METTL15: variants seen among roughly 807,000 people sequenced by gnomAD.
METTL15 encodes the protein 12S rRNA N(4)-cytidine methyltransferase METTL15.
Under a neutral mutation model 38.3 loss-of-function variants are expected in METTL15, and 34 were observed. The observed-to-expected ratio is 0.89, with a 90% CI of 0.68 to 1.18. The LOEUF (loss-of-function observed/expected upper bound fraction) is 1.18, where lower values mean the gene tolerates loss of function less well. Ranked by LOEUF, METTL15 falls within the 50% of genes most tolerant of loss-of-function variation. The probability of loss-of-function intolerance (pLI) is 0.00; values close to 1 mark genes in which losing one functional copy is unlikely to be tolerated. For synonymous variants in METTL15, 162 were observed against 170.9 expected (o/e 0.95, Z 0.41); for missense variants, 438 against 498.4 (o/e 0.88, Z 1.15).
chr11:28,471,408 C>CT (rs1190591104), intron 6 of METTL15, among the ~76,000 whole-genome samples: 1 of 152,088 alleles, frequency 6.6e-6, no homozygotes, highest in African/African-American at 2.4e-5. Context: ...TACAAATTTT[C>CT]TTTTTTCCAT....
intron 3 of METTL15, among the ~76,000 whole-genome samples, chr11:28,349,830 T>G (rs1850026667): frequency 6.6e-6 from 1 of 152,208 alleles, no homozygotes; most frequent in African/African-American, 2.4e-5. Context: ...TTTGCTTCCT[T>G]TGTAAATATT....
intron 6 of METTL15, chr11:28,516,948 C>T (rs550488884): frequency 3.3e-5 from 5 of 152,226 alleles, no homozygotes; most frequent in Non-Finnish European, 5.9e-5. Flanking sequence ...AATATTAGAA[C>T]TTGAAGCTGG....
At chr11:28,478,366 C>T (rs560054116) in intron 6 of METTL15, among the ~76,000 whole-genome samples, 21 of 152,262 alleles carry the variant, frequency 1.4e-4, no homozygotes, top group African/African-American at 4.3e-4. Flanking sequence ...ACCATGATTT[C>T]GTGCCTTTAA....
chr11:28,360,239 A>C (rs929846583), intron 4 of METTL15, among the ~76,000 whole-genome samples: 2 of 152,180 alleles, frequency 1.3e-5, no homozygotes, highest in Non-Finnish European at 2.9e-5. Flanking sequence ...CCCAATAGAC[A>C]AGTGTAAGAT....
chr11:28,270,409 T>A (rs1299904402), intron 4 of METTL15, among the ~76,000 whole-genome samples: 2 of 152,154 alleles, frequency 1.3e-5, no homozygotes, highest in African/African-American at 4.8e-5. Context: ...CTTTTCCAGC[T>A]CCATCTTTTT....
chr11:28,400,052 C>A (rs1164546571), intron 5 of METTL15, among the ~76,000 whole-genome samples: 3 of 151,876 alleles, frequency 2.0e-5, no homozygotes, highest in Admixed American at 1.3e-4. Flanking sequence ...TTAGATCACC[C>A]TTTTCTTCTC....
chr11:28,489,246 C>G (rs1462825284), intron 6 of METTL15, among the ~76,000 whole-genome samples: 1 of 152,124 alleles, frequency 6.6e-6, no homozygotes, highest in Admixed American at 6.6e-5. Context: ...TACCCCAGCC[C>G]CTTCCTATGC....
intron 2 of METTL15, among the ~76,000 whole-genome samples, chr11:28,112,795 G>A (rs1346946950): frequency 2.0e-5 from 3 of 152,082 alleles, no homozygotes; most frequent in Non-Finnish European, 2.9e-5. Flanking sequence ...TTTTTTGGAT[G>A]TGCATGCGTA....
At chr11:28,129,227 A>G (rs916859824) in intron 3 of METTL15, among the ~76,000 whole-genome samples, 1 of 152,186 alleles carries the variant, frequency 6.6e-6, no homozygotes, top group Non-Finnish European at 1.5e-5. Flanking sequence ...CAACATGTCT[A>G]TGAATAAGTG....
At chr11:28,344,718 C>T (rs1451276105) in intron 3 of METTL15, among the ~76,000 whole-genome samples, 2 of 152,148 alleles carry the variant, frequency 1.3e-5, no homozygotes, top group African/African-American at 4.8e-5. Context: ...TGGGCCCTCA[C>T]AGAAATTTTG....
At chr11:28,438,238 G>T (rs1590374997) in intron 6 of METTL15, among the ~76,000 whole-genome samples, 3 of 152,184 alleles carry the variant, frequency 2.0e-5, no homozygotes, top group African/African-American at 4.8e-5. Flanking sequence ...GTGAGAAAGA[G>T]AAATTGTGCA....
chr11:28,245,623 C>T (rs776209473), intron 4 of METTL15, among the ~76,000 whole-genome samples: 14 of 152,066 alleles, frequency 9.2e-5, no homozygotes, highest in Non-Finnish European at 1.9e-4. Context: ...GTATATTGGT[C>T]CATTCTCACA....
At chr11:28,405,015 G>A (rs1052962793) in intron 5 of METTL15, among the ~76,000 whole-genome samples, 1 of 152,078 alleles carries the variant, frequency 6.6e-6, no homozygotes, top group Non-Finnish European at 1.5e-5. Context: ...AAATAAGAAT[G>A]ATTTAAAAGT....
chr11:28,116,449 T>C (rs1452135701), intron 3 of METTL15, among the ~76,000 whole-genome samples: 2 of 152,244 alleles, frequency 1.3e-5, no homozygotes, highest in African/African-American at 4.8e-5. Flanking sequence ...TTTTCCAACA[T>C]ACTGCTTAGT....
At position 28,330,697 on chromosome 11, in the gene METTL15, C is replaced by T. The variant is rs554313656; in HGVS notation, c.1080C>T (p.His360=). ...VMKTSQLGSD[H]ENTEEVSMRR... ...AAACATCTCAATTGGGTTCAGATCA[C>T]GAAAACACGGAAGAAGTCTCTATGA... Residue 360 remains histidine, a synonymous_variant, in exon 7 of 7, where the codon CAC becomes CAT. Transcript: ENST00000407364. 1.9e-5 allele frequency: 30 copies of T among 1,551,350 alleles called. No homozygotes were observed. Among genetic ancestry groups the T allele is most frequent in the East Asian group, 9.8e-5 (4 of 40,910 alleles).
intron 3 of METTL15, among the ~76,000 whole-genome samples, chr11:28,205,191 G>T (rs976803696): frequency 2.0e-5 from 3 of 151,766 alleles, no homozygotes; most frequent in Non-Finnish European, 4.4e-5. Context: ...GTGCCATGCT[G>T]GTGTGCTGCA....
rs534164447 is a variant in METTL15 at position 28,208,359 on chromosome 11, C to G, written c.271-2703C>G. 2.0e-5 allele frequency among the ~76,000 whole-genome samples: 3 copies of G among 152,028 alleles called. 1 individual carries two copies. In the South Asian group the frequency reaches 6.2e-4, roughly 32 times the overall value. ...AACATCTTTATTTCTGCCTTCATTTCGTTATGTACCCCATAGTCATTCAGG... is the reference window on the plus strand; with the variant it reads ...AACATCTTTATTTCTGCCTTCATTTGGTTATGTACCCCATAGTCATTCAGG... On this transcript the variant is annotated intron_variant, in intron 3 of 6. Transcript: ENST00000407364.
intron 3 of METTL15, among the ~76,000 whole-genome samples, chr11:28,166,835 G>A (rs1690649857): frequency 6.6e-6 from 1 of 152,172 alleles, no homozygotes; most frequent in African/African-American, 2.4e-5. Flanking sequence ...TGTAGTCCCA[G>A]CTACTCCGGA....
intron 4 of METTL15, among the ~76,000 whole-genome samples, chr11:28,227,066 G>A (rs1370801009): frequency 6.6e-6 from 1 of 151,720 alleles, no homozygotes; most frequent in African/African-American, 2.4e-5. Flanking sequence ...TATAACCTTC[G>A]CTCAGGAGAT....
Sources: allele counts gnomAD v4.1 joint callset (sites outside exome capture counted in the v4.1 genomes callset), GRCh38; gene constraint gnomAD v4.1.1; transcripts MANE v1.5; gene names NCBI Gene and HGNC (gene_info 2026-07-23, HGNC 2026-07-21).